Variants in ZNF282 observed in about 807,000 individuals in gnomAD.
The protein encoded by ZNF282 is HTLV-I U5 repressive element-binding protein 1.
Under a neutral mutation model 61.9 loss-of-function variants are expected in ZNF282, and 30 were observed. That is an observed-to-expected ratio of 0.48 (90% CI 0.36 to 0.66). The LOEUF (loss-of-function observed/expected upper bound fraction) is 0.66, where lower values mean the gene tolerates loss of function less well. Ranked by LOEUF, ZNF282 falls within the 30% of genes least tolerant of loss-of-function variation. The pLI is 0.00. For missense variants in ZNF282, 788 were observed against 941.4 expected, an observed-to-expected ratio of 0.84 and a Z score of 2.13; for synonymous variants, 396 against 405.0, an observed-to-expected ratio of 0.98 and a Z score of 0.27.
At chr7:149,218,197 A>T (rs1015070418) in intron 7 of ZNF282, among the ~76,000 whole-genome samples, 7 of 151,618 alleles carry the variant, frequency 4.6e-5, no homozygotes, top group Non-Finnish European at 1.0e-4. Flanking sequence ...TCAGGAGTGG[A>T]TTGGCGGGGG....
In ZNF282 at chr7:149,223,878, C is replaced by CACCGCA; in HGVS notation, c.1248_1253dup (p.Pro419_Gln420dup). On this transcript the variant is annotated inframe_insertion, in exon 8 of 8. Transcript: ENST00000610704. ...CCACAGCCCCAGCCCCAGCCCCAGC[C>CACCGCA]ACCGCAGCCGCAGCTGCAGTCGCAG... 2.8e-6 allele frequency: 4 copies of CACCGCA among 1,441,668 alleles called. No homozygotes were observed. The highest frequency in any genetic ancestry group is 3.6e-6 in the Non-Finnish European group (4 of 1,102,958). The allele number at this position is 1,441,668 out of a possible 1,614,324, so 89.3% of individuals were successfully genotyped here. A position where few individuals can be genotyped will look rare whatever the true frequency, so the allele number is the denominator to read the frequency against.
At chr7:149,207,312 A>G (rs972643081) in intron 3 of ZNF282, 39 bp from the exon 4 acceptor site, 7 of 1,571,594 alleles carry the variant, frequency 4.5e-6, no homozygotes, top group Middle Eastern at 1.7e-4. Context: ...GCGTTGGTCA[A>G]CTTCACTCAG....
intron 7 of ZNF282, among the ~76,000 whole-genome samples, chr7:149,220,914 A>AG (rs1407045240): frequency 8.1e-5 from 4 of 49,616 alleles, no homozygotes; most frequent in East Asian, 7.3e-4. Flanking sequence ...AGGCCCCTGG[A>AG]GGGTTTTTTT....
In ZNF282 at chr7:149,199,023, T is replaced by C. The variant is rs74463099; in HGVS notation, c.585+271T>C. ...TAGACCCCTCTGAGTTGTCTGGTTG[T>C]CTGCAAGTTCTTGCAGCTCTTCACT... On this transcript the variant is annotated intron_variant, in intron 2 of 7. Transcript: ENST00000610704. Among the ~76,000 whole-genome samples the C allele has an allele frequency of 1.9e-3, 297 of 152,316 alleles. 1 individual carries two copies. Among genetic ancestry groups the C allele is most frequent in the African/African-American group, 6.9e-3 (285 of 41,562 alleles).
In ZNF282 at chr7:149,198,191, T is replaced by G; in HGVS notation, c.166-142T>G. ...GTGAGTGGGTAGCTGTTGCTGGGGG[T>G]GTTAGTGTATCCTGAGTTACGGGGG... On this transcript the variant is annotated intron_variant, in intron 1 of 7. Transcript: ENST00000610704. This position sits in a 1 kb window ranked among gnomAD's most constrained non-coding sequence, Gnocchi z 4.3. The G allele has an allele frequency of 1.6e-5, 14 of 887,472 alleles. No homozygotes were observed. The highest frequency in any genetic ancestry group is 3.7e-5 in the South Asian group (2 of 54,332). The allele number at this position is 887,472 out of a possible 1,614,324, so 55.0% of individuals were successfully genotyped here. A position where few individuals can be genotyped will look rare whatever the true frequency, so the allele number is the denominator to read the frequency against.
rs556731221 is a variant in ZNF282 at position 149,205,018 on chromosome 7, C to G, written c.586-1678C>G. Among the ~76,000 whole-genome samples, 15 of 152,234 alleles carry G rather than the reference C, an allele frequency of 9.9e-5. No homozygotes were observed. In the South Asian group the frequency reaches 3.1e-3, roughly 32 times the overall value. On this transcript the variant is annotated intron_variant, in intron 2 of 7. Transcript: ENST00000610704. The stretch of plus-strand genomic sequence containing the variant: ...TGGCACACACCTATAGTCCCAGCTA[C>G]TGGGGAGGCTGAGGCAGGGGAATTG...
chr7:149,213,582 C>T (rs1796117848), intron 6 of ZNF282, 119 bp from the exon 7 acceptor site: 1 of 703,022 alleles, frequency 1.4e-6, no homozygotes, highest in African/African-American at 1.8e-5. Context: ...AAATGCAACA[C>T]CGATACCAAA....
Position 149,224,015 on chromosome 7 carries a change from G to C in ZNF282, c.1384G>C (p.Gly462Arg). Residue 462 changes from glycine (G) to arginine (R), a missense_variant, in exon 8 of 8, where the codon GGC becomes CGC. By Grantham distance (125) the Gly-to-Arg change is moderately radical. This residue lies in a region of ZNF282 where 559 missense variants were observed against 642.0 expected (regional missense o/e 0.87). Coordinates refer to ENST00000610704, the MANE Select transcript of ZNF282 (RefSeq NM_003575.4). Reference sequence around the variant, plus strand: ...GGTGCTGCCCGGGGAGCGTGGCTCCGGCGAGGCGCCGCCGGGTGGGGACCG... The same window carrying C: ...GGTGCTGCCCGGGGAGCGTGGCTCCCGCGAGGCGCCGCCGGGTGGGGACCG... ...FQVLPGERGS[G>R]EAPPGGDRST... 3 of 1,221,684 alleles carry C rather than the reference G, an allele frequency of 2.5e-6. No homozygotes were observed. The highest frequency in any genetic ancestry group is 2.0e-6 in the Non-Finnish European group (2 of 980,782). The allele number at this position is 1,221,684 out of a possible 1,614,324, so 75.7% of individuals were successfully genotyped here.
chr7:149,199,133 G>A (rs887133386), intron 2 of ZNF282, among the ~76,000 whole-genome samples: 3 of 152,110 alleles, frequency 2.0e-5, no homozygotes, highest in Non-Finnish European at 1.5e-5. Context: ...GGCTGGAGTC[G>A]CACCTCAAAC....
At chr7:149,212,492 A>C in intron 6 of ZNF282, 21 bp downstream of exon 6, 1 of 1,541,358 alleles carries the variant, frequency 6.5e-7, no homozygotes, top group Non-Finnish European at 8.9e-7. Flanking sequence ...GGTCAGAATG[A>C]ATCTTGAGGG....
chr7:149,214,347 T>C (rs1296524345), intron 7 of ZNF282, among the ~76,000 whole-genome samples: 2 of 152,120 alleles, frequency 1.3e-5, no homozygotes, highest in Non-Finnish European at 2.9e-5. Context: ...ACATCTGCAA[T>C]GACCCCGTTT....
chr7:149,205,122 G>A lies in ZNF282; in HGVS notation c.586-1574G>A, dbSNP rs544980519. Reference sequence around the variant, plus strand: ...CAGCCTGGAGACAGAGCGAGACTCCGTTTCAAAAAAATAAAAATAAAAAAC... The same window carrying A: ...CAGCCTGGAGACAGAGCGAGACTCCATTTCAAAAAAATAAAAATAAAAAAC... On this transcript the variant is annotated intron_variant, in intron 2 of 7. Transcript: ENST00000610704. 1.6e-4 allele frequency among the ~76,000 whole-genome samples: 25 copies of A among 151,866 alleles called. 1 individual carries two copies. Among genetic ancestry groups the A allele is most frequent in the Non-Finnish European group, 3.1e-4 (21 of 67,938 alleles).
chr7:149,211,881 A>C (rs1030733365), intron 5 of ZNF282, among the ~76,000 whole-genome samples: 2 of 152,254 alleles, frequency 1.3e-5, no homozygotes, highest in Non-Finnish European at 2.9e-5. Context: ...TAGAAGAAAG[A>C]GAGTATAGGG....
intron 7 of ZNF282, among the ~76,000 whole-genome samples, chr7:149,214,108 C>T (rs1414521048): frequency 6.6e-6 from 1 of 152,180 alleles, no homozygotes. Context: ...TGGGCTGGGC[C>T]TTGCTCCAGA....
chr7:149,218,120 AGAG>A (rs1304312680), intron 7 of ZNF282, among the ~76,000 whole-genome samples: 2 of 136,262 alleles, frequency 1.5e-5, no homozygotes, highest in South Asian at 2.2e-4. Context: ...AAAAAAAAAA[AGAG>A]AGAGAGAGAG....
In ZNF282 at chr7:149,224,910, A is replaced by C; in HGVS notation, c.*263A>C. ...GAGCGTCCTCGGGCACCGCCCTCAC[A>C]CCTCCTCGAGTGCCCTGGGACCACT... On this transcript the variant is annotated 3_prime_UTR_variant, in exon 8 of 8. Transcript: ENST00000610704. The C allele has an allele frequency of 1.9e-6, 1 of 536,788 alleles. No homozygotes were observed. Among genetic ancestry groups the C allele is most frequent in the Non-Finnish European group, 3.2e-6 (1 of 316,894 alleles). 33.3% of individuals were successfully genotyped at this position (536,788 alleles called of 1,614,324 possible). A position where few individuals can be genotyped will look rare whatever the true frequency, so the allele number is the denominator to read the frequency against.
intron 6 of ZNF282, among the ~76,000 whole-genome samples, 169 bp from the exon 7 acceptor site, chr7:149,213,532 A>G (rs1041288205): frequency 1.3e-5 from 2 of 152,080 alleles, no homozygotes; most frequent in Admixed American, 1.3e-4. Flanking sequence ...GTGAGAGTCC[A>G]TTTAGGAAGG....
At chr7:149,203,995 G>C (rs964672931) in intron 2 of ZNF282, among the ~76,000 whole-genome samples, 3 of 152,164 alleles carry the variant, frequency 2.0e-5, no homozygotes, top group Non-Finnish European at 4.4e-5. Flanking sequence ...CTGGGGAGCA[G>C]CTTAGGTGAG....
At chr7:149,221,515 A>G (rs967566362) in intron 7 of ZNF282, among the ~76,000 whole-genome samples, 3 of 152,306 alleles carry the variant, frequency 2.0e-5, no homozygotes, top group Admixed American at 6.5e-5. Flanking sequence ...TTTCTTTGCA[A>G]GTCCTCTGGG....
Sources: allele counts gnomAD v4.1 joint callset (sites outside exome capture counted in the v4.1 genomes callset), GRCh38; gene constraint gnomAD v4.1.1; regional missense constraint gnomAD v4.1.1; non-coding constraint Gnocchi (gnomAD v3.1); transcripts MANE v1.5; gene names NCBI Gene and HGNC (gene_info 2026-07-23, HGNC 2026-07-21).